Variants in HYDIN observed in about 807,000 individuals in gnomAD.
The protein encoded by HYDIN is axonemal central pair apparatus protein HYDIN.
HYDIN carries 132 observed loss-of-function variants against 403.9 expected under a neutral mutation model. The ratio of observed to expected loss-of-function variants is 0.33; its 90% confidence interval spans 0.28 to 0.38. The LOEUF (loss-of-function observed/expected upper bound fraction) is 0.38. Ranked by LOEUF, HYDIN falls within the 10% of genes least tolerant of loss-of-function variation. The probability of loss-of-function intolerance (pLI) is 1.00; values close to 1 mark genes in which losing one functional copy is unlikely to be tolerated. For missense variants in HYDIN, 2,827 were observed against 5,009.5 expected (o/e 0.56, Z 13.15); for synonymous variants, 1,202 against 1,891.7 (o/e 0.64, Z 9.46).
chr16:71,188,698 A>G (rs2087274829), intron 1 of HYDIN, among the ~76,000 whole-genome samples: 1 of 152,220 alleles, frequency 6.6e-6, no homozygotes, highest in Non-Finnish European at 1.5e-5. Context: ...TCTTAGTAAG[A>G]CCTGTTAGGT....
intron 23 of HYDIN, among the ~76,000 whole-genome samples, chr16:71,003,048 C>A (rs373620581): frequency 6.6e-6 from 1 of 152,116 alleles, no homozygotes; most frequent in Non-Finnish European, 1.5e-5. Flanking sequence ...TAGGCCATCC[C>A]TTCTCCTTTA....
intron 18 of HYDIN, among the ~76,000 whole-genome samples, chr16:71,038,409 G>A (rs528248817): frequency 2.6e-5 from 4 of 152,124 alleles, no homozygotes; most frequent in South Asian, 2.1e-4. Context: ...ACATGTCACC[G>A]CAACAATCAC....
At chr16:70,911,378 C>T (rs1355643548) in intron 47 of HYDIN, among the ~76,000 whole-genome samples, 1 of 151,186 alleles carries the variant, frequency 6.6e-6, no homozygotes, top group Admixed American at 6.6e-5. Flanking sequence ...TGTCCTTTCC[C>T]CACTTTATGT....
intron 5 of HYDIN, among the ~76,000 whole-genome samples, chr16:71,165,334 C>A (rs1349740825): frequency 6.6e-6 from 1 of 151,914 alleles, no homozygotes; most frequent in East Asian, 1.9e-4. Flanking sequence ...TCATGGTGCT[C>A]ACCCCCTCAC....
chr16:70,807,608 A>G lies in HYDIN; in HGVS notation c.15338T>C (p.Val5113Ala), dbSNP rs1275520716. 1 of 1,613,564 alleles carries G rather than the reference A, an allele frequency of 6.2e-7. No homozygotes were observed. Among genetic ancestry groups the G allele is most frequent in the Non-Finnish European group, 8.5e-7 (1 of 1,179,728 alleles). The change falls in exon 86 of 86, where the codon GTT becomes GCT. Residue 5113 changes from valine to alanine, a missense_variant. Val to Ala is a moderately conservative substitution (Grantham distance 64). Transcript: ENST00000393567. ...GEGSETGVKW[V>A]YYLKGITL ...AAGGGTGATCCCCTTCAGATAATAAACCCATTTAACTCCAGTCTCACTCCC... is the reference window on the plus strand; with the variant it reads ...AAGGGTGATCCCCTTCAGATAATAAGCCCATTTAACTCCAGTCTCACTCCC...
chr16:70,907,937 T>G (rs549051376), intron 49 of HYDIN, among the ~76,000 whole-genome samples: 3 of 152,134 alleles, frequency 2.0e-5, no homozygotes, highest in Admixed American at 2.0e-4. Flanking sequence ...CACACATGGT[T>G]TCTATACTAC....
At chr16:70,955,770 T>C (rs1288854573) in intron 39 of HYDIN, among the ~76,000 whole-genome samples, 2 of 152,186 alleles carry the variant, frequency 1.3e-5, no homozygotes, top group South Asian at 2.1e-4. Flanking sequence ...GTGCATGCTG[T>C]GGCAATCTGC....
chr16:70,879,698 C>T lies in HYDIN; in HGVS notation c.10274G>A (p.Ser3425Asn), dbSNP rs2040664710. The change falls in exon 61 of 86, where the codon AGT becomes AAT. Residue 3425 changes from serine to asparagine, a missense_variant. Physicochemically the swap from Ser to Asn is conservative, Grantham distance 46. Transcript: ENST00000393567. The part of the protein sequence containing the change: ...EVEPSKMCIA[S>N]HSHAFATVSF... ...CACCGTGGCAAAGGCATGGGAATGACTGGCAATGCACATCTTGCTGGGTTC... is the reference window on the plus strand; with the variant it reads ...CACCGTGGCAAAGGCATGGGAATGATTGGCAATGCACATCTTGCTGGGTTC... The T allele has an allele frequency of 2.1e-6, 3 of 1,446,822 alleles. No homozygotes were observed. Among genetic ancestry groups the T allele is most frequent in the East Asian group, 2.3e-5 (1 of 43,818 alleles). The allele number at this position is 1,446,822 out of a possible 1,614,324, so 89.6% of individuals were successfully genotyped here. A position where few individuals can be genotyped will look rare whatever the true frequency, so the allele number is the denominator to read the frequency against.
chr16:71,225,057 T>C (rs1598073888), intron 1 of HYDIN, among the ~76,000 whole-genome samples: 3 of 152,318 alleles, frequency 2.0e-5, no homozygotes, highest in Admixed American at 6.5e-5. Flanking sequence ...TAGGTGATGG[T>C]TGTAAAATCT....
intron 83 of HYDIN, among the ~76,000 whole-genome samples, chr16:70,819,974 A>ATTT (rs56879257): frequency 8.1e-6 from 1 of 123,216 alleles, no homozygotes; most frequent in Non-Finnish European, 1.7e-5. Context: ...CGCCTGGCTA[A>ATTT]TTTTTTTTTT....
rs1354358363 is a variant in HYDIN, at chr16:71,230,595, C to A, written c.-57G>T. Reference sequence around the variant, plus strand: ...ACTCCGGGTCCCACGTTTATTCTACCTCCATTCCCCGCCAAGACCCCGCGT... The same window carrying A: ...ACTCCGGGTCCCACGTTTATTCTACATCCATTCCCCGCCAAGACCCCGCGT... On this transcript the variant is annotated 5_prime_UTR_variant, in exon 1 of 86. It adds an upstream start codon to the 5' untranslated region. Coordinates refer to ENST00000393567, the MANE Select transcript of HYDIN (RefSeq NM_001270974.2). 1 of 1,535,902 alleles carries A rather than the reference C, an allele frequency of 6.5e-7. No homozygotes were observed. Among genetic ancestry groups the A allele is most frequent in the Non-Finnish European group, 8.7e-7 (1 of 1,146,860 alleles).
At chr16:71,216,104 G>A (rs2088866737) in intron 1 of HYDIN, among the ~76,000 whole-genome samples, 1 of 152,134 alleles carries the variant, frequency 6.6e-6, no homozygotes, top group Non-Finnish European at 1.5e-5. Context: ...CTATGACCCA[G>A]CAGTTTTACC....
At chr16:71,092,400 GGT>G (rs1461513445) in intron 11 of HYDIN, among the ~76,000 whole-genome samples, 1 of 152,052 alleles carries the variant, frequency 6.6e-6, no homozygotes, top group African/African-American at 2.4e-5. Flanking sequence ...CTTTATGTAA[GGT>G]GTAAAAGAAA....
chr16:71,041,371 G>T (rs6416710), intron 18 of HYDIN, among the ~76,000 whole-genome samples: 58,511 of 149,074 alleles, frequency 0.39, 12,271 homozygotes, highest in Non-Finnish European at 0.47. Flanking sequence ...ACCCAGCAAC[G>T]GCATTTCTAG....
chr16:70,958,636 T>A (rs2078315684), intron 39 of HYDIN, among the ~76,000 whole-genome samples: 2 of 152,222 alleles, frequency 1.3e-5, no homozygotes, highest in South Asian at 4.1e-4. Flanking sequence ...TGCCCACACA[T>A]CTGGCCTTCT....
At chr16:71,125,349 A>G (rs1164352792) in intron 9 of HYDIN, among the ~76,000 whole-genome samples, 4 of 152,154 alleles carry the variant, frequency 2.6e-5, no homozygotes, top group African/African-American at 2.4e-5. Context: ...CTCAAATTCA[A>G]CATGTTCAGA....
Position 71,069,325 on chromosome 16 carries a change from T to G in HYDIN, c.1916A>C (p.Glu639Ala), listed in dbSNP as rs1268548434. The G allele has an allele frequency of 6.2e-7, 1 of 1,613,902 alleles. No homozygotes were observed. Among genetic ancestry groups the G allele is most frequent in the Non-Finnish European group, 8.5e-7 (1 of 1,179,996 alleles). The change falls in exon 14 of 86, where the codon GAA (glutamate) becomes GCA (alanine). Residue 639 changes from glutamate to alanine, a missense_variant. Physicochemically the swap from Glu to Ala is moderately radical, Grantham distance 107. Transcript: ENST00000393567. ...GCCACAGTCAGGAGAGATGGTGAAT[T>G]CTTTTGGTTTCATTGAGGATATTTC... ...KEEISSMKPK[E>A]FTISPDCGTI... is the part of the protein sequence containing the mutation.
chr16:70,825,174 T>C (rs1428797734), intron 83 of HYDIN, among the ~76,000 whole-genome samples: 1 of 152,278 alleles, frequency 6.6e-6, no homozygotes, highest in African/African-American at 2.4e-5. Context: ...GGATAGCTTA[T>C]TCCATTATCT....
chr16:71,022,192 T>C (rs1029578394), intron 21 of HYDIN, among the ~76,000 whole-genome samples: 3 of 151,976 alleles, frequency 2.0e-5, no homozygotes, highest in African/African-American at 7.3e-5. Context: ...GGCTTTGAAG[T>C]ACAGAAGCCA....
Sources: allele counts gnomAD v4.1 joint callset (sites outside exome capture counted in the v4.1 genomes callset), GRCh38; gene constraint gnomAD v4.1.1; transcripts MANE v1.5; gene names NCBI Gene and HGNC (gene_info 2026-07-23, HGNC 2026-07-21).